CHCHD3: variants seen among roughly 807,000 people sequenced by gnomAD.
The protein encoded by CHCHD3 is coiled-coil-helix-coiled-coil-helix domain containing 3.
Under a neutral mutation model 38.2 loss-of-function variants are expected in CHCHD3, and 20 were observed. The ratio of observed to expected loss-of-function variants is 0.52; its 90% CI spans 0.37 to 0.76. CHCHD3 has a LOEUF of 0.76. Ranked by LOEUF, CHCHD3 falls within the 30% of genes least tolerant of loss-of-function variation. The probability of loss-of-function intolerance (pLI) is 0.00; values close to 1 mark genes in which losing one functional copy is unlikely to be tolerated. For missense variants in CHCHD3, 245 were observed against 279.2 expected, an observed-to-expected ratio of 0.88 and a Z score of 0.87; for synonymous variants, 82 against 100.0, an observed-to-expected ratio of 0.82 and a Z score of 1.07.
At chr7:132,922,275 G>A (rs547782790) in intron 4 of CHCHD3, among the ~76,000 whole-genome samples, 1 of 152,160 alleles carries the variant, frequency 6.6e-6, no homozygotes, top group African/African-American at 2.4e-5. Context: ...AGGAAGAAGG[G>A]GGTTGACCAA....
intron 4 of CHCHD3, among the ~76,000 whole-genome samples, chr7:132,942,335 T>C (rs1036592692): frequency 6.6e-6 from 1 of 152,110 alleles, no homozygotes; most frequent in Non-Finnish European, 1.5e-5. Flanking sequence ...TTTAATGGAG[T>C]ATAAAATATA....
chr7:132,911,937 T>C (rs1021794686), intron 4 of CHCHD3, among the ~76,000 whole-genome samples: 1 of 152,228 alleles, frequency 6.6e-6, no homozygotes, highest in African/African-American at 2.4e-5. Context: ...GTCCTTTCTA[T>C]GCCCTCTTAT....
chr7:133,015,338 G>T (rs1203931482), intron 3 of CHCHD3, among the ~76,000 whole-genome samples: 1 of 88,580 alleles, frequency 1.1e-5, no homozygotes, highest in Non-Finnish European at 2.6e-5. Flanking sequence ...GCCAGACAAC[G>T]TCTCAAAAAT....
At chr7:132,820,616 T>TTA (rs1563245302) in intron 6 of CHCHD3, among the ~76,000 whole-genome samples, 1 of 149,408 alleles carries the variant, frequency 6.7e-6, no homozygotes, top group African/African-American at 2.4e-5. Flanking sequence ...CTAGTGTTTT[T>TTA]TTTTTTTTTT....
intron 2 of CHCHD3, among the ~76,000 whole-genome samples, chr7:133,069,734 G>C (rs1419874060): frequency 1.3e-5 from 2 of 152,058 alleles, no homozygotes; most frequent in African/African-American, 4.8e-5. Context: ...TATAAACTTA[G>C]AAGAAATTTA....
chr7:132,934,797 T>A (rs1810597695), intron 4 of CHCHD3, among the ~76,000 whole-genome samples: 2 of 152,240 alleles, frequency 1.3e-5, no homozygotes, highest in Admixed American at 6.5e-5. Context: ...GTCTAGCCTT[T>A]TAGCCAGTAC....
chr7:132,891,365 C>T (rs543614560), intron 4 of CHCHD3, among the ~76,000 whole-genome samples: 3 of 152,302 alleles, frequency 2.0e-5, no homozygotes, highest in East Asian at 1.9e-4. Context: ...TAAACATCAG[C>T]TATAAGCAGA....
At chr7:132,903,498 C>T (rs1809720158) in intron 4 of CHCHD3, among the ~76,000 whole-genome samples, 1 of 152,152 alleles carries the variant, frequency 6.6e-6, no homozygotes, top group African/African-American at 2.4e-5. Flanking sequence ...CTGAAATCCA[C>T]AAGCTGGAAG....
At chr7:132,918,118 G>A (rs1810163018) in intron 4 of CHCHD3, among the ~76,000 whole-genome samples, 1 of 152,124 alleles carries the variant, frequency 6.6e-6, no homozygotes, top group African/African-American at 2.4e-5. Flanking sequence ...TTCTAATAAA[G>A]ACTGGCTTAG....
At chr7:133,024,950 T>C (rs1372167173) in intron 2 of CHCHD3, among the ~76,000 whole-genome samples, 3 of 152,156 alleles carry the variant, frequency 2.0e-5, no homozygotes, top group Admixed American at 1.3e-4. Flanking sequence ...CATTAAAGTC[T>C]GACAACGGTG....
chr7:132,923,401 A>G (rs373651976), intron 4 of CHCHD3, among the ~76,000 whole-genome samples: 2 of 152,176 alleles, frequency 1.3e-5, no homozygotes, highest in Non-Finnish European at 1.5e-5. Flanking sequence ...TGGATAAGAG[A>G]TAAGATTAGA....
At chr7:132,876,448 T>C (rs1015936010) in intron 5 of CHCHD3, among the ~76,000 whole-genome samples, 3 of 152,242 alleles carry the variant, frequency 2.0e-5, no homozygotes, top group Non-Finnish European at 4.4e-5. Flanking sequence ...CAATGCTTTA[T>C]TTCTTACCTT....
At chr7:132,790,742 G>A (rs932021368) in intron 7 of CHCHD3, among the ~76,000 whole-genome samples, 6 of 152,158 alleles carry the variant, frequency 3.9e-5, no homozygotes, top group African/African-American at 9.7e-5. Context: ...AGTGGCCACC[G>A]TGTACATCGG....
chr7:132,969,205 A>G (rs1219471753), intron 4 of CHCHD3, among the ~76,000 whole-genome samples: 1 of 148,194 alleles, frequency 6.7e-6, no homozygotes, highest in African/African-American at 2.5e-5. Flanking sequence ...TTCAAAAATT[A>G]TAGCTTAAGT....
intron 6 of CHCHD3, among the ~76,000 whole-genome samples, chr7:132,837,737 A>G (rs981294901): frequency 4.6e-5 from 7 of 152,222 alleles, no homozygotes; most frequent in Non-Finnish European, 8.8e-5. Context: ...AATAGAGGTT[A>G]CACAATAGGA....
chr7:133,061,614 C>T (rs1814518263), intron 2 of CHCHD3, among the ~76,000 whole-genome samples: 1 of 152,196 alleles, frequency 6.6e-6, no homozygotes, highest in African/African-American at 2.4e-5. Flanking sequence ...CAGCCGTGTA[C>T]TTGCCCACCC....
At chr7:133,075,528 T>G (rs1461675673) in intron 1 of CHCHD3, among the ~76,000 whole-genome samples, 1 of 152,142 alleles carries the variant, frequency 6.6e-6, no homozygotes, top group East Asian at 1.9e-4. Context: ...TATCCAAAGT[T>G]AATGCTCTCT....
intron 5 of CHCHD3, among the ~76,000 whole-genome samples, chr7:132,862,354 A>G (rs776330862): frequency 3.6e-4 from 55 of 152,258 alleles, no homozygotes; most frequent in Non-Finnish European, 3.5e-4. Context: ...AAAGTGAGTC[A>G]TGCAAACTTT....
At chr7:133,010,018 T>G (rs1323612412) in intron 3 of CHCHD3, among the ~76,000 whole-genome samples, 1 of 129,926 alleles carries the variant, frequency 7.7e-6, no homozygotes, top group African/African-American at 2.8e-5. Flanking sequence ...TATCAGAAAA[T>G]GAAAGCCAAT....
Sources: allele counts gnomAD v4.1 joint callset (sites outside exome capture counted in the v4.1 genomes callset), GRCh38; gene constraint gnomAD v4.1.1; transcripts MANE v1.5; gene names NCBI Gene and HGNC (gene_info 2026-07-23, HGNC 2026-07-21).